CLDN2: variants seen among roughly 807,000 people sequenced by gnomAD.
CLDN2 encodes claudin 2, also known as claudin-2.
Under a neutral mutation model 8.2 loss-of-function variants are expected in CLDN2, and 1 was observed. The observed-to-expected ratio is 0.12, with a 90% CI of 0.04 to 0.58. CLDN2 has a LOEUF of 0.58. Among genes scored for constraint, CLDN2 ranks in the 20% least tolerant of loss-of-function variants. The probability of loss-of-function intolerance (pLI) is 0.90; values close to 1 mark genes in which losing one functional copy is unlikely to be tolerated. For synonymous variants in CLDN2, 70 were observed against 70.2 expected (o/e 1.00, Z 0.01); for missense variants, 108 against 172.9 (o/e 0.62, Z 2.11).
chrX:106,906,478 G>A (rs1933180225), intron 1 of CLDN2, among the ~76,000 whole-genome samples: 2 of 111,153 alleles, frequency 1.8e-5, no homozygotes, highest in African/African-American at 6.5e-5. Context: ...ATTTCGCTTG[G>A]CCACATTCCA....
At chrX:106,900,594 T>C in intron 1 of CLDN2, 1 of 963,050 alleles carries the variant, frequency 1.0e-6, no homozygotes, top group Non-Finnish European at 1.4e-6. Flanking sequence ...CTAACTGATG[T>C]CTGTGAAAAC....
rs1187369464 is a variant in CLDN2 at position 106,902,733 on chromosome X, G to A, written c.-179+2229G>A. Among the ~76,000 whole-genome samples, 8 of 111,998 alleles carry A rather than the reference G, an allele frequency of 7.1e-5. No homozygotes were observed. The East Asian group carries it at 8.5e-4, about 12-fold the overall frequency. ...AAAAAGCAAATGGAAATCTTATGGC[G>A]TGGTCAGGAAAAAGACAATGTCCCA... On this transcript the variant is annotated intron_variant, in intron 1 of 1. Coordinates refer to the CLDN2 transcript ENST00000541806.
upstream of CLDN2, among the ~76,000 whole-genome samples, chrX:106,916,855 C>G (rs1025056750): frequency 1.8e-5 from 2 of 111,539 alleles, no homozygotes; most frequent in African/African-American, 6.5e-5. Context: ...TGAGACTAAC[C>G]TGTGCAATAT....
intron 1 of CLDN2, 61 bp from the exon 2 acceptor site, chrX:106,927,990 G>A (rs768424849): frequency 5.7e-5 from 18 of 317,786 alleles, no homozygotes; most frequent in Non-Finnish European, 8.7e-5. Flanking sequence ...GGCATCCAGC[G>A]TTTTCTGGTT....
intron 1 of CLDN2, among the ~76,000 whole-genome samples, chrX:106,904,349 G>A (rs891716465): frequency 2.7e-5 from 3 of 112,724 alleles, no homozygotes; most frequent in African/African-American, 9.7e-5. Flanking sequence ...ATGCTTCAGA[G>A]GTCTCGAAAA....
chrX:106,921,998 CTTTA>C (rs1933399802), intron 1 of CLDN2, among the ~76,000 whole-genome samples: 3 of 112,299 alleles, frequency 2.7e-5, no homozygotes, highest in Admixed American at 9.4e-5. Flanking sequence ...GTCCCCATGC[CTTTA>C]TTTGAGACTA....
rs556830622 is a variant in CLDN2 at position 106,925,559 on chromosome X, A to G, written c.-178-2492A>G. 4.4e-4 allele frequency among the ~76,000 whole-genome samples: 49 copies of G among 112,627 alleles called. No individual in the cohort carries two copies. In the South Asian group the frequency reaches 0.017, roughly 39 times the overall value. On this transcript the variant is annotated intron_variant, in intron 1 of 1. Coordinates refer to ENST00000336803, the MANE Select transcript of CLDN2 (RefSeq NM_020384.4). ...CATGGGGTAAACCAAGCAAGTTTGG[A>G]CTTTACTTTTTAGCAAATGGGGAGC...
Position 106,928,882 on chromosome X carries a change from G to A in CLDN2, c.654G>A (p.Lys218=). Residue 218 remains lysine (K), a synonymous_variant, in exon 2 of 2, where the codon AAG becomes AAA. Coordinates refer to ENST00000336803, the MANE Select transcript of CLDN2 (RefSeq NM_020384.4). ...SPRPGQPPKV[K]SEFNSYSLTG... ...GGCCTGGTCAACCTCCCAAAGTCAA[G>A]AGTGAGTTCAATTCCTACAGCCTGA... The A allele has an allele frequency of 8.3e-7, 1 of 1,211,504 alleles. No individual in the cohort carries two copies. Among genetic ancestry groups the A allele is most frequent in the Non-Finnish European group, 1.1e-6 (1 of 895,414 alleles).
intron 1 of CLDN2, among the ~76,000 whole-genome samples, chrX:106,913,254 C>G (rs1280208125): frequency 9.0e-6 from 1 of 111,449 alleles, no homozygotes; most frequent in Non-Finnish European, 1.9e-5. Context: ...ACCACCAAGC[C>G]TGGCTAATTT....
intron 1 of CLDN2, chrX:106,903,198 T>TGC (rs1340649649): frequency 9.9e-6 from 12 of 1,209,028 alleles, no homozygotes; most frequent in Non-Finnish European, 1.3e-5. Context: ...GGCCAGGGAG[T>TGC]GCCAGTGGGG....
chrX:106,904,890 G>A (rs975771230), intron 1 of CLDN2, among the ~76,000 whole-genome samples: 1 of 112,030 alleles, frequency 8.9e-6, no homozygotes, highest in South Asian at 3.7e-4. Context: ...AATGGACAGC[G>A]TGCAGAGAAA....
intron 1 of CLDN2, among the ~76,000 whole-genome samples, chrX:106,910,428 C>T (rs746667219): frequency 1.4e-4 from 15 of 110,674 alleles, no homozygotes; most frequent in Non-Finnish European, 2.5e-4. Flanking sequence ...AGAGACTGGG[C>T]GCAGTGGCTC....
intron 1 of CLDN2, among the ~76,000 whole-genome samples, chrX:106,922,104 C>A (rs988404403): frequency 1.8e-5 from 2 of 112,114 alleles, no homozygotes; most frequent in African/African-American, 6.5e-5. Context: ...GAAGCTAGAT[C>A]TTTTGATTCT....
intron 1 of CLDN2, among the ~76,000 whole-genome samples, chrX:106,925,573 C>T (rs57702793): frequency 8.9e-6 from 1 of 112,226 alleles, no homozygotes; most frequent in Non-Finnish European, 1.9e-5. Flanking sequence ...TACTTTTTAG[C>T]AAATGGGGAG....
chrX:106,918,186 A>G (rs1011059340), upstream of CLDN2, among the ~76,000 whole-genome samples: 1 of 112,590 alleles, frequency 8.9e-6, no homozygotes, highest in African/African-American at 3.2e-5. Flanking sequence ...ACTTGTCAAA[A>G]TGCATTCACA....
chrX:106,907,248 T>C (rs751751909), intron 1 of CLDN2, among the ~76,000 whole-genome samples: 15 of 111,981 alleles, frequency 1.3e-4, no homozygotes, highest in Non-Finnish European at 2.8e-4. Context: ...CCATTCCTCA[T>C]GGTCTCTTTT....
upstream of CLDN2, chrX:106,920,349 T>C: frequency 1.0e-5 from 1 of 100,474 alleles, no homozygotes; most frequent in Non-Finnish European, 2.0e-5. Context: ...TTTCCCAGCC[T>C]CCAGGGGTTT....
rs190044616 is a variant in CLDN2, at chrX:106,908,992, G to A, written c.-179+8488G>A. Among the ~76,000 whole-genome samples, 16 of 111,534 alleles carry A rather than the reference G, an allele frequency of 1.4e-4. No homozygotes were observed. The East Asian group carries it at 3.4e-3, about 24-fold the overall frequency. Reference sequence around the variant, plus strand: ...TCAAAATGGTTCTGGTCTCATTGCCGGGTGTAACAGAGGTCAGGAGACTGG... The same window carrying A: ...TCAAAATGGTTCTGGTCTCATTGCCAGGTGTAACAGAGGTCAGGAGACTGG... On this transcript the variant is annotated intron_variant, in intron 1 of 1. Coordinates refer to the CLDN2 transcript ENST00000541806.
intron 1 of CLDN2, among the ~76,000 whole-genome samples, chrX:106,904,074 C>G (rs1480703458): frequency 1.8e-5 from 2 of 112,340 alleles, no homozygotes; most frequent in East Asian, 5.6e-4. Context: ...AGCCAGGGTG[C>G]TGGGGAGAGG....
Sources: allele counts gnomAD v4.1 joint callset (sites outside exome capture counted in the v4.1 genomes callset), GRCh38; gene constraint gnomAD v4.1.1; transcripts MANE v1.5; gene names NCBI Gene and HGNC (gene_info 2026-07-23, HGNC 2026-07-21).